PTPRD: variants seen among roughly 807,000 people sequenced by gnomAD.
PTPRD encodes the protein protein tyrosine phosphatase receptor type D.
In PTPRD, 34 loss-of-function variants were observed where a neutral mutation model predicts 214.5. The observed-to-expected ratio is 0.16, with a 90% confidence interval of 0.12 to 0.21. The LOEUF is 0.21. Among genes scored for constraint, PTPRD ranks in the 10% least tolerant of loss-of-function variants. The pLI, the probability that PTPRD is intolerant of heterozygous loss-of-function variation, is 1.00. For missense variants in PTPRD, 2,545 were observed against 2,398.7 expected, an observed-to-expected ratio of 1.06 and a Z score of -1.27; for synonymous variants, 1,128 against 845.7, an observed-to-expected ratio of 1.33 and a Z score of -5.79.
chr9:9,801,636 T>A (rs1446399702), intron 5 of PTPRD, among the ~76,000 whole-genome samples: 1 of 152,114 alleles, frequency 6.6e-6, no homozygotes, highest in Non-Finnish European at 1.5e-5. Flanking sequence ...TTCTGAAAAT[T>A]CATTTTATTA....
intron 11 of PTPRD, among the ~76,000 whole-genome samples, chr9:8,840,751 T>A (rs1339660931): frequency 1.3e-5 from 2 of 150,652 alleles, no homozygotes; most frequent in East Asian, 1.9e-4. Flanking sequence ...TCATGCCCAT[T>A]CTTAATTTTT....
At chr9:9,955,812 A>C (rs748046486) in intron 4 of PTPRD, among the ~76,000 whole-genome samples, 1 of 151,974 alleles carries the variant, frequency 6.6e-6, no homozygotes, top group Non-Finnish European at 1.5e-5. Flanking sequence ...GTGAGCCACC[A>C]CGCCCGGCCT....
intron 2 of PTPRD, among the ~76,000 whole-genome samples, chr9:10,352,940 A>AATATTAACTT (rs1275753839): frequency 2.0e-5 from 3 of 151,942 alleles, no homozygotes; most frequent in African/African-American, 7.2e-5. Context: ...TCATAAAATA[A>AATATTAACTT]ATATTAACTT....
Position 8,317,175 on chromosome 9 carries a change from T to C in PTPRD, c.*699A>G, listed in dbSNP as rs932136578. On this transcript the variant is annotated 3_prime_UTR_variant, in exon 46 of 46. Transcript: ENST00000381196. ...GCACAAAAATGTGCAAATTTTCAAA[T>C]GATTTGATATTTCTACAGCAAGATA... 8.6e-6 allele frequency: 2 copies of C among 231,944 alleles called. No homozygotes were observed. Among genetic ancestry groups the C allele is most frequent in the Non-Finnish European group, 1.7e-5 (2 of 117,048 alleles). The allele number at this position is 231,944 out of a possible 1,614,324, so 14.4% of individuals were successfully genotyped here.
chr9:8,689,414 G>C (rs2097758619), intron 12 of PTPRD, among the ~76,000 whole-genome samples: 1 of 152,074 alleles, frequency 6.6e-6, no homozygotes, highest in Non-Finnish European at 1.5e-5. Flanking sequence ...CCCAAGACTG[G>C]GAAGAAAAAG....
At chr9:9,138,143 T>G (rs2154479169) in intron 10 of PTPRD, among the ~76,000 whole-genome samples, 1 of 134,082 alleles carries the variant, frequency 7.5e-6, no homozygotes, top group South Asian at 2.3e-4. Context: ...CAAAGAAATC[T>G]TTTTTTTTTC....
chr9:10,010,354 T>C (rs980788177), intron 4 of PTPRD, among the ~76,000 whole-genome samples: 6 of 108,504 alleles, frequency 5.5e-5, no homozygotes, highest in East Asian at 2.2e-4. Context: ...TGTGCGTTTA[T>C]ATAATTGCCT....
intron 9 of PTPRD, among the ~76,000 whole-genome samples, chr9:9,379,196 GAT>G (rs61595587): frequency 0.24 from 34,114 of 145,056 alleles, 4,035 homozygotes; most frequent in Middle Eastern, 0.37. Context: ...TCTATGTTGA[GAT>G]ATATATATAT....
At chr9:10,278,249 A>G (rs530797973) in intron 3 of PTPRD, among the ~76,000 whole-genome samples, 1 of 152,354 alleles carries the variant, frequency 6.6e-6, no homozygotes, top group African/African-American at 2.4e-5. Flanking sequence ...GTTTGAGAAA[A>G]TAATTATAAC....
At chr9:9,455,952 C>T (rs2092933327) in intron 8 of PTPRD, among the ~76,000 whole-genome samples, 1 of 151,604 alleles carries the variant, frequency 6.6e-6, no homozygotes, top group Non-Finnish European at 1.5e-5. Context: ...AAAGAAAGGC[C>T]AACCTTGAAC....
At chr9:9,837,997 C>T (rs1182693496) in intron 5 of PTPRD, among the ~76,000 whole-genome samples, 1 of 152,090 alleles carries the variant, frequency 6.6e-6, no homozygotes, top group African/African-American at 2.4e-5. Context: ...CAATTCCCAC[C>T]AATGAGTGAG....
intron 3 of PTPRD, among the ~76,000 whole-genome samples, chr9:10,043,132 C>A (rs949676373): frequency 6.6e-6 from 1 of 151,674 alleles, no homozygotes; most frequent in African/African-American, 2.4e-5. Flanking sequence ...TCTAAAGACA[C>A]AAAGCTATAG....
intron 3 of PTPRD, among the ~76,000 whole-genome samples, chr9:10,109,229 T>C (rs1484660042): frequency 6.6e-6 from 1 of 152,214 alleles, no homozygotes; most frequent in Non-Finnish European, 1.5e-5. Context: ...TGAAGTTTTG[T>C]TTCTGATAGA....
At chr9:9,678,243 A>G (rs2096977761) in intron 7 of PTPRD, among the ~76,000 whole-genome samples, 1 of 152,134 alleles carries the variant, frequency 6.6e-6, no homozygotes, top group South Asian at 2.1e-4. Flanking sequence ...GGAACCAAAA[A>G]AGAGTCCACA....
intron 9 of PTPRD, among the ~76,000 whole-genome samples, chr9:9,252,816 T>C (rs10977618): frequency 0.048 from 7,287 of 152,176 alleles, 273 homozygotes; most frequent in African/African-American, 0.097. Context: ...CTTCTGTTTC[T>C]TTTCTGTCTT....
At chr9:9,457,675 G>C (rs1355785567) in intron 8 of PTPRD, among the ~76,000 whole-genome samples, 1 of 151,996 alleles carries the variant, frequency 6.6e-6, no homozygotes, top group Admixed American at 6.6e-5. Flanking sequence ...TGTACAACAT[G>C]TTACATATAT....
intron 9 of PTPRD, among the ~76,000 whole-genome samples, chr9:9,347,140 G>A (rs994154133): frequency 6.6e-6 from 1 of 152,098 alleles, no homozygotes; most frequent in Non-Finnish European, 1.5e-5. Context: ...ATGCACTGCA[G>A]CCTGGGTAAC....
intron 44 of PTPRD, among the ~76,000 whole-genome samples, chr9:8,328,389 G>C (rs1406518395): frequency 6.6e-6 from 1 of 152,206 alleles, no homozygotes; most frequent in Non-Finnish European, 1.5e-5. Flanking sequence ...GAGACCTGCT[G>C]TTAGTCTGAT....
chr9:9,595,550 T>G (rs200184074), intron 7 of PTPRD, among the ~76,000 whole-genome samples: 4 of 147,332 alleles, frequency 2.7e-5, no homozygotes, highest in African/African-American at 1.0e-4. Context: ...GTATGTGTGT[T>G]TGTGTGTGTG....
Sources: gnomAD v4.1 joint callset for allele counts (sites outside exome capture counted in the v4.1 genomes callset) on GRCh38, gnomAD v4.1.1 for gene constraint, MANE v1.5 for transcripts, NCBI Gene and HGNC (gene_info 2026-07-23, HGNC 2026-07-21) for gene names.